SLC16A4: variants seen among roughly 807,000 people sequenced by gnomAD.
SLC16A4 encodes probable monocarboxylate transporter 5.
SLC16A4 carries 39 observed loss-of-function variants against 47.9 expected under a neutral mutation model. The ratio of observed to expected loss-of-function variants is 0.81; its 90% CI spans 0.63 to 1.06. The LOEUF is 1.06. SLC16A4 is among the 50% of genes least tolerant of loss of function. SLC16A4 has a pLI of 0.00. For missense variants in SLC16A4, 524 were observed against 573.8 expected, an observed-to-expected ratio of 0.91 and a Z score of 0.89; for synonymous variants, 189 against 199.9, an observed-to-expected ratio of 0.95 and a Z score of 0.46.
chr1:110,378,804 T>A (rs1286352684), intron 6 of SLC16A4, 49 bp downstream of exon 6: 1 of 1,531,246 alleles, frequency 6.5e-7, no homozygotes, highest in Non-Finnish European at 8.7e-7. Context: ...GCTTGTAAAA[T>A]TAAGTTGATC....
In SLC16A4 at chr1:110,379,077, T is replaced by G; in HGVS notation, c.806A>C (p.Asn269Thr). ...TTCATCACTCTTTAATAACAGTCTG[T>G]TCCTGTTAGGCCCATTGTAGAACTC... ...SEEFYNGPNR[N>T]RLLLKSDEES... Residue 269 changes from asparagine to threonine, a missense_variant, in exon 6 of 9, where the codon AAC (asparagine) becomes ACC (threonine). Coordinates refer to ENST00000369779, the MANE Select transcript of SLC16A4 (RefSeq NM_004696.3). The G allele has an allele frequency of 6.2e-7, 1 of 1,614,234 alleles. No individual in the cohort carries two copies. Among genetic ancestry groups the G allele is most frequent in the Non-Finnish European group, 8.5e-7 (1 of 1,180,038 alleles).
intron 2 of SLC16A4, among the ~76,000 whole-genome samples, chr1:110,385,405 A>G (rs940115910): frequency 4.6e-5 from 7 of 152,224 alleles, no homozygotes; most frequent in African/African-American, 7.2e-5. Flanking sequence ...TTAACACTCA[A>G]ACAATTAACT....
chr1:110,388,340 AAGG>A (rs752556886), intron 2 of SLC16A4, among the ~76,000 whole-genome samples: 9 of 152,174 alleles, frequency 5.9e-5, no homozygotes, highest in Non-Finnish European at 1.2e-4. Context: ...CTTATGGGTA[AAGG>A]AGAAGAATCA....
chr1:110,364,871 T>A (rs1661292841), intron 8 of SLC16A4, among the ~76,000 whole-genome samples: 1 of 151,966 alleles, frequency 6.6e-6, no homozygotes. Flanking sequence ...TAATGGCACA[T>A]ACTAAAACTT....
intron 2 of SLC16A4, among the ~76,000 whole-genome samples, chr1:110,386,334 G>A (rs897424979): frequency 3.3e-5 from 5 of 152,210 alleles, no homozygotes; most frequent in African/African-American, 1.2e-4. Flanking sequence ...CTCTCCCAAG[G>A]TCTAGGTTTT....
In SLC16A4 at chr1:110,364,901, C is replaced by CT. The variant is rs879272474; in HGVS notation, c.1337-1009dup. ...AAACTTAAGCGAAACACTTTTTTTT[C>CT]TTTTTTTTTTTTAACTGAGTAGGTG... On this transcript the variant is annotated intron_variant, in intron 8 of 8. Transcript: ENST00000369779. Among the ~76,000 whole-genome samples, 759 of 142,698 alleles carry CT rather than the reference C, an allele frequency of 5.3e-3. 4 individuals are homozygous for CT. Among genetic ancestry groups the CT allele is most frequent in the Middle Eastern group, 0.011 (3 of 272 alleles). The allele number at this position is 142,698 out of a possible 152,430, so 93.6% of individuals were successfully genotyped here.
At position 110,377,161 on chromosome 1, in the gene SLC16A4, C is replaced by T. The variant is rs1662054857; in HGVS notation, c.1031G>A (p.Gly344Asp). Residue 344 changes from glycine to aspartate, a missense_variant and splice_region_variant, in exon 7 of 9, where the codon GGT becomes GAT. Coordinates refer to ENST00000369779, the MANE Select transcript of SLC16A4 (RefSeq NM_004696.3). Reference protein sequence around the residue: ...MDASYLVSVAGILETVSQIIS... With the variant: ...MDASYLVSVADILETVSQIIS... ...AATCTGACTGACCGTCTCAAGGATA[C>T]CTGGAACAATATTGAAATCTTTTTA... The T allele has an allele frequency of 6.2e-7, 1 of 1,612,122 alleles. No homozygotes were observed. Among genetic ancestry groups the T allele is most frequent in the African/African-American group, 1.3e-5 (1 of 74,970 alleles).
chr1:110,380,043 C>T (rs1311706763), intron 5 of SLC16A4, among the ~76,000 whole-genome samples: 1 of 97,384 alleles, frequency 1.0e-5, no homozygotes, highest in South Asian at 3.4e-4. Flanking sequence ...AATGACAAAG[C>T]GAGAGAGCCT....
At chr1:110,369,095 C>G (rs1018695695) in intron 8 of SLC16A4, among the ~76,000 whole-genome samples, 1 of 151,820 alleles carries the variant, frequency 6.6e-6, no homozygotes, top group Non-Finnish European at 1.5e-5. Flanking sequence ...GCTGGGATTA[C>G]AGGTGCACAC....
rs12045510 is a variant in SLC16A4, at chr1:110,363,818, A to G, written c.1412T>C (p.Val471Ala). The G allele has an allele frequency of 6.2e-7, 1 of 1,612,754 alleles. No individual in the cohort carries two copies. Among genetic ancestry groups the G allele is most frequent in the South Asian group, 1.1e-5 (1 of 90,716 alleles). The stretch of plus-strand genomic sequence containing the variant: ...GGCCAATGGTACAAAAAAAAAGGAA[A>G]CTGAAGAGAGGAGATAGCATATGCC... ...FSGICYLLSS[V>A]SFFFVPLAER... is the part of the protein sequence containing the mutation. The change falls in exon 9 of 9, where the codon GTT (valine) becomes GCT (alanine). Residue 471 changes from valine (V) to alanine (A), a missense_variant. By Grantham distance (64) the Val-to-Ala change is moderately conservative. Coordinates refer to ENST00000369779, the MANE Select transcript of SLC16A4 (RefSeq NM_004696.3).
chr1:110,382,907 T>C lies in SLC16A4; in HGVS notation c.147A>G (p.Gln49=), dbSNP rs1662493104. The part of the protein sequence containing the change: ...KTFAIFFVVF[Q]EEFEGTSEQI... Reference sequence around the variant, plus strand: ...GCTCTGAGGTGCCTTCAAACTCTTCTTGAAAGACCACAAAGAAAATTGCAA... The same window carrying C: ...GCTCTGAGGTGCCTTCAAACTCTTCCTGAAAGACCACAAAGAAAATTGCAA... The change falls in exon 3 of 9, where the codon CAA becomes CAG. Residue 49 remains glutamine, a synonymous_variant. Coordinates refer to ENST00000369779, the MANE Select transcript of SLC16A4 (RefSeq NM_004696.3). 4 of 1,612,594 alleles carry C rather than the reference T, an allele frequency of 2.5e-6. No homozygotes were observed. Among genetic ancestry groups the C allele is most frequent in the Non-Finnish European group, 3.4e-6 (4 of 1,179,082 alleles).
intron 8 of SLC16A4, chr1:110,371,342 T>G (rs998125896): frequency 5.3e-5 from 8 of 152,202 alleles, no homozygotes; most frequent in African/African-American, 1.9e-4. Flanking sequence ...TATAGGCAAC[T>G]AATATGGTCC....
chr1:110,365,176 G>A (rs1263918760), intron 8 of SLC16A4, among the ~76,000 whole-genome samples: 1 of 151,970 alleles, frequency 6.6e-6, no homozygotes, highest in Non-Finnish European at 1.5e-5. Flanking sequence ...GGGTTTCAGG[G>A]ATATACCCCT....
rs1459656703 is a variant in SLC16A4, at chr1:110,366,996, T to TA, written c.1337-3104_1337-3103insT. ...ATAGTATACAGCTGAGTATTTAGTT[T>TA]TAGGATGCTGTTTATACTAGCAAAT... On this transcript the variant is annotated intron_variant, in intron 8 of 8. Coordinates refer to ENST00000369779, the MANE Select transcript of SLC16A4 (RefSeq NM_004696.3). 3.9e-5 allele frequency among the ~76,000 whole-genome samples: 6 copies of TA among 152,208 alleles called. No homozygotes were observed. In the East Asian group the frequency reaches 1.2e-3, roughly 29 times the overall value.
chr1:110,363,812 A>T lies in SLC16A4; in HGVS notation c.1418T>A (p.Phe473Tyr). The change falls in exon 9 of 9, where the codon TTT becomes TAT. Residue 473 changes from phenylalanine (F) to tyrosine (Y), a missense_variant. Phe to Tyr is a conservative substitution (Grantham distance 22). Coordinates refer to ENST00000369779, the MANE Select transcript of SLC16A4 (RefSeq NM_004696.3). ...GICYLLSSVS[F>Y]FFVPLAERWK... The stretch of plus-strand genomic sequence containing the variant: ...TCTTTCGGCCAATGGTACAAAAAAA[A>T]AGGAAACTGAAGAGAGGAGATAGCA... 1 of 1,612,628 alleles carries T rather than the reference A, an allele frequency of 6.2e-7. No homozygotes were observed. Among genetic ancestry groups the T allele is most frequent in the Non-Finnish European group, 8.5e-7 (1 of 1,179,504 alleles).
chr1:110,381,552 C>T, intron 4 of SLC16A4, 100 bp downstream of exon 4: 1 of 1,215,074 alleles, frequency 8.2e-7, no homozygotes, highest in South Asian at 1.5e-5. Flanking sequence ...TCGAACTGGA[C>T]TCAAGCGATC....
At position 110,389,327 on chromosome 1, in the gene SLC16A4, G is replaced by A. The variant is rs1305588466; in HGVS notation, c.-4C>T. 6.2e-7 allele frequency: 1 copy of A among 1,602,890 alleles called. No individual in the cohort carries two copies. The highest frequency in any genetic ancestry group is 8.5e-7 in the Non-Finnish European group (1 of 1,169,918). On this transcript the variant is annotated 5_prime_UTR_variant, in exon 2 of 9. Coordinates refer to ENST00000369779, the MANE Select transcript of SLC16A4 (RefSeq NM_004696.3). ...CCTTCCCCTCCCTCTTCAGCATGATGCCTCTTCTATTTTAAATGCAGAAGA... is the reference window on the plus strand; with the variant it reads ...CCTTCCCCTCCCTCTTCAGCATGATACCTCTTCTATTTTAAATGCAGAAGA...
At chr1:110,374,299 C>T (rs1042592757) in intron 8 of SLC16A4, among the ~76,000 whole-genome samples, 1 of 152,192 alleles carries the variant, frequency 6.6e-6, no homozygotes, top group Admixed American at 6.5e-5. Context: ...CTTGGACCTC[C>T]CAAAGTGCTG....
chr1:110,367,786 T>C (rs1661470813), intron 8 of SLC16A4, among the ~76,000 whole-genome samples: 1 of 152,164 alleles, frequency 6.6e-6, no homozygotes, highest in South Asian at 2.1e-4. Context: ...ATGAAAAATC[T>C]GTTCAGATGC....
Sources: allele counts gnomAD v4.1 joint callset (sites outside exome capture counted in the v4.1 genomes callset), GRCh38; gene constraint gnomAD v4.1.1; transcripts MANE v1.5; gene names NCBI Gene and HGNC (gene_info 2026-07-23, HGNC 2026-07-21).